Variants in ASTN2 observed in about 807,000 individuals in gnomAD.
ASTN2 encodes the protein astrotactin 2.
ASTN2 carries 54 observed loss-of-function variants against 139.8 expected under a neutral mutation model. That is an observed-to-expected ratio of 0.39 (90% CI 0.31 to 0.48). The LOEUF (loss-of-function observed/expected upper bound fraction) is 0.48. Among genes scored for constraint, ASTN2 ranks in the 20% least tolerant of loss-of-function variants. The pLI, the probability that ASTN2 is intolerant of heterozygous loss-of-function variation, is 0.95. For synonymous variants in ASTN2, 756 were observed against 719.5 expected (o/e 1.05, Z -0.81); for missense variants, 1,565 against 1,725.1 (o/e 0.91, Z 1.64).
At chr9:116,751,145 C>T (rs574072528) in intron 13 of ASTN2, among the ~76,000 whole-genome samples, 6 of 146,046 alleles carry the variant, frequency 4.1e-5, no homozygotes, top group African/African-American at 1.7e-4. Context: ...TCAGGAGCCT[C>T]AGTTACTTCA....
chr9:116,958,683 G>A (rs1835791536), intron 10 of ASTN2, among the ~76,000 whole-genome samples: 1 of 152,144 alleles, frequency 6.6e-6, no homozygotes. Flanking sequence ...AATAGCCCTA[G>A]TCACTGGAAA....
At chr9:116,943,856 CTT>C (rs1835304630) in intron 10 of ASTN2, among the ~76,000 whole-genome samples, 1 of 152,134 alleles carries the variant, frequency 6.6e-6, no homozygotes, top group Non-Finnish European at 1.5e-5. Flanking sequence ...TTGTTTGCCT[CTT>C]TGTTTGTTTT....
At chr9:116,951,401 C>T (rs568344916) in intron 10 of ASTN2, among the ~76,000 whole-genome samples, 3 of 146,666 alleles carry the variant, frequency 2.0e-5, no homozygotes, top group African/African-American at 7.5e-5. Context: ...ATGTATGAGC[C>T]CATCTCTCAC....
intron 20 of ASTN2, among the ~76,000 whole-genome samples, chr9:116,482,782 G>A (rs1007473659): frequency 5.3e-5 from 8 of 152,202 alleles, no homozygotes; most frequent in African/African-American, 1.4e-4. Context: ...CACCATGGAT[G>A]TTGGCACTTG....
rs575734376 is a variant in ASTN2 at position 116,688,392 on chromosome 9, C to T, written c.2807-36599G>A. ...TGCTAAAGAGATTTTCCTTAAATCG[C>T]TGCATGGGAGACAGAGGGAGTTCAG... On this transcript the variant is annotated intron_variant, in intron 16 of 22. Coordinates refer to ENST00000313400, the MANE Select transcript of ASTN2 (RefSeq NM_001365068.1). Among the ~76,000 whole-genome samples the T allele has an allele frequency of 2.6e-5, 4 of 152,074 alleles. No individual in the cohort carries two copies. The South Asian group carries it at 8.3e-4, about 32-fold the overall frequency.
At chr9:117,250,131 C>T (rs550208808) in intron 2 of ASTN2, among the ~76,000 whole-genome samples, 116 of 152,294 alleles carry the variant, frequency 7.6e-4, no homozygotes, top group African/African-American at 2.6e-3. Context: ...TTCATTTCAA[C>T]ACACACACCC....
At chr9:117,008,345 C>T (rs1837420415) in intron 6 of ASTN2, 86 bp from the exon 7 acceptor site, 1 of 1,236,088 alleles carries the variant, frequency 8.1e-7, no homozygotes, top group Non-Finnish European at 1.1e-6. Flanking sequence ...TGTGTACAAG[C>T]CACGTTCCCC....
intron 2 of ASTN2, among the ~76,000 whole-genome samples, chr9:117,271,342 T>C (rs555298277): frequency 6.6e-6 from 1 of 152,216 alleles, no homozygotes; most frequent in Admixed American, 6.5e-5. Flanking sequence ...CACCTATGAT[T>C]CGATTACCTC....
intron 13 of ASTN2, among the ~76,000 whole-genome samples, chr9:116,745,907 G>A (rs943019952): frequency 2.0e-5 from 3 of 152,132 alleles, no homozygotes; most frequent in Non-Finnish European, 1.5e-5. Context: ...TAGTTCTCTA[G>A]GTCAGAAGTC....
chr9:116,449,819 G>C (rs1848121196), intron 20 of ASTN2, among the ~76,000 whole-genome samples: 1 of 152,180 alleles, frequency 6.6e-6, no homozygotes, highest in Non-Finnish European at 1.5e-5. Context: ...AAGCCACAAG[G>C]AGAGGCCATG....
chr9:116,904,391 T>G (rs920822325), intron 10 of ASTN2, among the ~76,000 whole-genome samples: 1 of 152,126 alleles, frequency 6.6e-6, no homozygotes, highest in Non-Finnish European at 1.5e-5. Flanking sequence ...AGAATGACAC[T>G]CACAGTCTGG....
At chr9:117,117,036 G>A (rs1214931907) in intron 4 of ASTN2, among the ~76,000 whole-genome samples, 1 of 151,958 alleles carries the variant, frequency 6.6e-6, no homozygotes, top group Non-Finnish European at 1.5e-5. Context: ...TGGACAATAT[G>A]GTAATAGGAT....
At chr9:117,325,162 T>C (rs1021048461) in intron 1 of ASTN2, among the ~76,000 whole-genome samples, 1 of 152,170 alleles carries the variant, frequency 6.6e-6, no homozygotes, top group Non-Finnish European at 1.5e-5. Context: ...ATCTGAAGCA[T>C]AGACTTTTCA....
rs147538467 is a variant in ASTN2, at chr9:117,096,122, T to G, written c.1198A>C (p.Thr400Pro). The G allele has an allele frequency of 6.2e-7, 1 of 1,613,892 alleles. No individual in the cohort carries two copies. Among genetic ancestry groups the G allele is most frequent in the African/African-American group, 1.3e-5 (1 of 74,890 alleles). ...GGISFGRAKG[T>P]SGSEADDETQ... ...TCATCGTCTGCCTCTGAGCCCGACGTCCCCTTGGCTCTCCCAAAGCTGATT... is the reference window on the plus strand; with the variant it reads ...TCATCGTCTGCCTCTGAGCCCGACGGCCCCTTGGCTCTCCCAAAGCTGATT... Residue 400 changes from threonine to proline, a missense_variant, in exon 5 of 23, where the codon ACG becomes CCG. By Grantham distance (38) the Thr-to-Pro change is conservative. This residue lies in a region of ASTN2 where 596 missense variants were observed against 576.8 expected (regional missense o/e 1.03). Coordinates refer to ENST00000313400, the MANE Select transcript of ASTN2 (RefSeq NM_001365068.1).
At chr9:116,456,486 T>G (rs2118946179) in intron 20 of ASTN2, among the ~76,000 whole-genome samples, 1 of 152,236 alleles carries the variant, frequency 6.6e-6, no homozygotes, top group East Asian at 1.9e-4. Context: ...ATTAGTCCAT[T>G]TTCATGCTGC....
chr9:116,470,021 A>G (rs1432462646), intron 20 of ASTN2, among the ~76,000 whole-genome samples: 1 of 151,866 alleles, frequency 6.6e-6, no homozygotes, highest in Non-Finnish European at 1.5e-5. Flanking sequence ...CCTGACCAAC[A>G]TGGCAAAACC....
chr9:116,597,844 G>C (rs1854669011), intron 19 of ASTN2, among the ~76,000 whole-genome samples: 3 of 152,102 alleles, frequency 2.0e-5, no homozygotes, highest in Non-Finnish European at 4.4e-5. Context: ...TATTCCCAGG[G>C]AACTCTGATG....
chr9:117,135,795 C>T (rs920462179), intron 4 of ASTN2, among the ~76,000 whole-genome samples: 4 of 151,822 alleles, frequency 2.6e-5, no homozygotes, highest in African/African-American at 9.7e-5. Context: ...CAATTTTTTG[C>T]CTGGAGAGAA....
intron 6 of ASTN2, among the ~76,000 whole-genome samples, chr9:117,032,890 A>T (rs1311154071): frequency 6.6e-6 from 1 of 152,208 alleles, no homozygotes; most frequent in Non-Finnish European, 1.5e-5. Context: ...AACAGAGAAG[A>T]CTTGGATATC....
Sources: gnomAD v4.1 joint callset for allele counts (sites outside exome capture counted in the v4.1 genomes callset) on GRCh38, gnomAD v4.1.1 for gene constraint, gnomAD v4.1.1 regional missense constraint, MANE v1.5 for transcripts, NCBI Gene and HGNC (gene_info 2026-07-23, HGNC 2026-07-21) for gene names.